The following MYRIP variants were observed in gnomAD, a reference collection of about 807,000 sequenced individuals.
MYRIP encodes the protein rab effector MyRIP.
Under a neutral mutation model 98.0 loss-of-function variants are expected in MYRIP, and 49 were observed. The observed-to-expected ratio is 0.50, with a 90% CI of 0.40 to 0.63. The LOEUF is 0.63. Ranked by LOEUF, MYRIP falls within the 30% of genes least tolerant of loss-of-function variation. The probability of loss-of-function intolerance (pLI) is 0.00; values close to 1 mark genes in which losing one functional copy is unlikely to be tolerated. For missense variants in MYRIP, 1,004 were observed against 1,058.2 expected, an observed-to-expected ratio of 0.95 and a Z score of 0.71; for synonymous variants, 404 against 409.5, an observed-to-expected ratio of 0.99 and a Z score of 0.16.
chr3:39,859,791 G>A (rs888345228), intron 1 of MYRIP, among the ~76,000 whole-genome samples: 4 of 152,240 alleles, frequency 2.6e-5, no homozygotes, highest in South Asian at 2.1e-4. Context: ...TGCAGAAAAA[G>A]CATTTGACAA....
chr3:40,243,400 T>TAAAAA (rs10655936), intron 12 of MYRIP, among the ~76,000 whole-genome samples: 3 of 135,142 alleles, frequency 2.2e-5, no homozygotes, highest in African/African-American at 5.5e-5. Flanking sequence ...TCACTAAGTG[T>TAAAAA]AAAAAAAAAA....
At chr3:39,970,050 A>G (rs1945542460) in intron 2 of MYRIP, 1 of 152,134 alleles carries the variant, frequency 6.6e-6, no homozygotes, top group Admixed American at 6.6e-5. Flanking sequence ...CAGTCTTGGG[A>G]GAGTGTGTCC....
intron 3 of MYRIP, among the ~76,000 whole-genome samples, chr3:40,116,308 T>A (rs1439289078): frequency 6.6e-6 from 1 of 152,138 alleles, no homozygotes; most frequent in Non-Finnish European, 1.5e-5. Flanking sequence ...TAAGACGTGG[T>A]CTCAAGTTTC....
chr3:39,864,013 G>A (rs536670449), intron 1 of MYRIP, among the ~76,000 whole-genome samples: 2 of 152,156 alleles, frequency 1.3e-5, no homozygotes, highest in Admixed American at 6.6e-5. Flanking sequence ...ATTAATAAAT[G>A]TGATTTATCA....
intron 3 of MYRIP, among the ~76,000 whole-genome samples, chr3:40,141,067 C>T (rs1285431487): frequency 2.0e-5 from 3 of 152,140 alleles, no homozygotes; most frequent in African/African-American, 7.2e-5. Flanking sequence ...TCCCACTACT[C>T]TTCCTTCCTA....
chr3:40,071,105 A>G (rs2125858700), intron 3 of MYRIP: 14 of 981,942 alleles, frequency 1.4e-5, no homozygotes, highest in Non-Finnish European at 1.7e-5. Flanking sequence ...AAGCACAGGA[A>G]GAAGAGAGTC....
At chr3:39,934,692 T>C (rs1944618947) in intron 2 of MYRIP, among the ~76,000 whole-genome samples, 1 of 152,190 alleles carries the variant, frequency 6.6e-6, no homozygotes, top group Non-Finnish European at 1.5e-5. Flanking sequence ...ACAGCAGCAG[T>C]GACTGACTTA....
At chr3:39,934,624 A>T (rs919101913) in intron 2 of MYRIP, among the ~76,000 whole-genome samples, 25 of 152,184 alleles carry the variant, frequency 1.6e-4, no homozygotes, top group Non-Finnish European at 1.5e-5. Context: ...TCAGGATCTG[A>T]TGAGAAGCTT....
At position 40,151,188 on chromosome 3, in the gene MYRIP, C is replaced by G. The variant is rs1288011171; in HGVS notation, c.469+4C>G. On this transcript the variant is annotated splice_donor_region_variant and intron_variant, in intron 4 of 16. Coordinates refer to ENST00000302541, the MANE Select transcript of MYRIP (RefSeq NM_015460.4). ...GGCGCGTGCTTCGACATTCTAGGTA[C>G]TCTCACTTCCTGCCGCTCTGGGAGT... The G allele has an allele frequency of 6.3e-7, 1 of 1,593,718 alleles. No individual in the cohort carries two copies. The highest frequency in any genetic ancestry group is 1.3e-5 in the African/African-American group (1 of 74,544).
chr3:40,003,448 C>T (rs1946566401), intron 2 of MYRIP, among the ~76,000 whole-genome samples: 1 of 152,194 alleles, frequency 6.6e-6, no homozygotes, highest in Non-Finnish European at 1.5e-5. Context: ...AATAGGATTT[C>T]ACTGGTTCAG....
intron 11 of MYRIP, among the ~76,000 whole-genome samples, chr3:40,224,249 C>G (rs149117074): frequency 6.6e-6 from 1 of 152,260 alleles, no homozygotes; most frequent in Non-Finnish European, 1.5e-5. Context: ...GAAGATCACC[C>G]TGGCTGCCAT....
At chr3:40,248,265 G>A (rs1331131233) in intron 13 of MYRIP, 3 of 152,214 alleles carry the variant, frequency 2.0e-5, no homozygotes, top group South Asian at 2.1e-4. Flanking sequence ...CATGCTAAGG[G>A]TGCTGTCCAC....
At chr3:40,049,008 C>T (rs1482745117) in intron 3 of MYRIP, among the ~76,000 whole-genome samples, 3 of 152,104 alleles carry the variant, frequency 2.0e-5, no homozygotes, top group African/African-American at 7.2e-5. Context: ...AGGTCTTCTT[C>T]AGGAAGCAAA....
chr3:39,986,113 A>G (rs1946025069), intron 2 of MYRIP, among the ~76,000 whole-genome samples: 1 of 152,150 alleles, frequency 6.6e-6, no homozygotes, highest in Admixed American at 6.6e-5. Flanking sequence ...GTTCAATATT[A>G]CTCACACCTC....
chr3:40,184,693 T>C (rs1187671414), intron 9 of MYRIP, among the ~76,000 whole-genome samples: 2 of 152,242 alleles, frequency 1.3e-5, no homozygotes, highest in African/African-American at 4.8e-5. Context: ...TTTCACAAAA[T>C]AGTTTCCAAC....
intron 2 of MYRIP, among the ~76,000 whole-genome samples, chr3:39,995,930 C>T (rs1235652899): frequency 3.3e-5 from 5 of 152,160 alleles, no homozygotes; most frequent in Non-Finnish European, 7.3e-5. Flanking sequence ...TCCAGCCAAA[C>T]TAAGCTTCAT....
chr3:40,010,128 A>G (rs1341390954), intron 2 of MYRIP, among the ~76,000 whole-genome samples: 7 of 152,236 alleles, frequency 4.6e-5, no homozygotes, highest in Non-Finnish European at 8.8e-5. Context: ...CAGAATATCC[A>G]GGGTGCCTGA....
At chr3:39,810,647 C>T (rs1940650627) in intron 1 of MYRIP, 1 of 152,258 alleles carries the variant, frequency 6.6e-6, no homozygotes, top group Admixed American at 6.5e-5. Flanking sequence ...GGTGGGAACC[C>T]CAAGACCTGC....
intron 2 of MYRIP, among the ~76,000 whole-genome samples, chr3:39,941,294 T>A (rs1192010138): frequency 6.6e-6 from 1 of 152,062 alleles, no homozygotes. Context: ...CCAGCTCTTG[T>A]ATGAACTAAT....
Sources: allele counts gnomAD v4.1 joint callset (sites outside exome capture counted in the v4.1 genomes callset), GRCh38; gene constraint gnomAD v4.1.1; transcripts MANE v1.5; gene names NCBI Gene and HGNC (gene_info 2026-07-23, HGNC 2026-07-21).